Variants in ZNF385D observed in about 807,000 individuals in gnomAD.
ZNF385D encodes the protein zinc finger protein 385D.
A neutral mutation model predicts 35.8 loss-of-function variants in ZNF385D; 15 were observed. The ratio of observed to expected loss-of-function variants is 0.42; its 90% CI spans 0.28 to 0.64. The LOEUF is 0.64. Ranked by LOEUF, ZNF385D falls within the 30% of genes least tolerant of loss-of-function variation. The probability of loss-of-function intolerance (pLI) is 0.23; values close to 1 mark genes in which losing one functional copy is unlikely to be tolerated. For missense variants in ZNF385D, 474 were observed against 494.6 expected, an observed-to-expected ratio of 0.96 and a Z score of 0.39; for synonymous variants, 212 against 186.8, an observed-to-expected ratio of 1.13 and a Z score of -1.10.
chr3:21,547,952 G>C (rs7653836), intron 3 of ZNF385D, among the ~76,000 whole-genome samples: 10,951 of 152,068 alleles, frequency 0.072, 1,323 homozygotes, highest in African/African-American at 0.25. Context: ...AGCCAGGTGG[G>C]AGGGGGTCCC....
chr3:21,950,671 T>G (rs1191685459), intron 3 of ZNF385D, among the ~76,000 whole-genome samples: 1 of 151,870 alleles, frequency 6.6e-6, no homozygotes, highest in Non-Finnish European at 1.5e-5. Flanking sequence ...AGGGTTTTTA[T>G]GGTTTTAGGT....
At chr3:21,685,613 G>A (rs192963238) in intron 1 of ZNF385D, among the ~76,000 whole-genome samples, 1 of 152,286 alleles carries the variant, frequency 6.6e-6, no homozygotes, top group Admixed American at 6.5e-5. Context: ...TTCACCTGAT[G>A]GATGTTGAAA....
intron 2 of ZNF385D, among the ~76,000 whole-genome samples, chr3:21,640,100 T>A (rs1201705741): frequency 6.6e-6 from 1 of 152,110 alleles, no homozygotes; most frequent in East Asian, 1.9e-4. Flanking sequence ...TTTTCACTTA[T>A]TCTTTTCTTT....
intron 2 of ZNF385D, among the ~76,000 whole-genome samples, chr3:22,276,238 A>T (rs1379801538): frequency 1.3e-5 from 2 of 152,176 alleles, no homozygotes; most frequent in East Asian, 3.9e-4. Flanking sequence ...AAACACTAGG[A>T]TCCAGTCTTC....
At position 22,195,558 on chromosome 3, in the gene ZNF385D, C is replaced by T. The variant is rs191252361; in HGVS notation, c.107-26523G>A. ...TTCTACTAAAAGTTTTATAGTTTTA[C>T]ATTTTGAAATCTGTGGTCCAAACAT... On this transcript the variant is annotated intron_variant, in intron 2 of 5. Coordinates refer to the ZNF385D transcript ENST00000494108. Among the ~76,000 whole-genome samples, 43 of 152,082 alleles carry T rather than the reference C, an allele frequency of 2.8e-4. No homozygotes were observed. In the East Asian group the frequency reaches 7.9e-3, roughly 28 times the overall value.
At chr3:21,691,301 G>A (rs1176560613) in intron 1 of ZNF385D, among the ~76,000 whole-genome samples, 1 of 152,062 alleles carries the variant, frequency 6.6e-6, no homozygotes, top group Non-Finnish European at 1.5e-5. Flanking sequence ...AACCTTAGCT[G>A]CTTCCTCTCT....
intron 3 of ZNF385D, among the ~76,000 whole-genome samples, chr3:22,041,478 G>C (rs1213477512): frequency 6.6e-6 from 1 of 152,092 alleles, no homozygotes; most frequent in Non-Finnish European, 1.5e-5. Context: ...AATGCTTATC[G>C]ACTACAAAAT....
chr3:21,875,782 A>T (rs572282817), intron 3 of ZNF385D, among the ~76,000 whole-genome samples: 1 of 151,946 alleles, frequency 6.6e-6, no homozygotes, highest in Non-Finnish European at 1.5e-5. Context: ...CTTCATTGTG[A>T]TCATCATCAT....
At chr3:21,830,655 A>G (rs1314997437) in intron 3 of ZNF385D, among the ~76,000 whole-genome samples, 5 of 152,162 alleles carry the variant, frequency 3.3e-5, no homozygotes, top group African/African-American at 4.8e-5. Context: ...TCTTCCTCAC[A>G]GTATCTTTAT....
intron 2 of ZNF385D, among the ~76,000 whole-genome samples, chr3:22,230,765 G>T (rs1172241637): frequency 6.6e-6 from 1 of 152,192 alleles, no homozygotes; most frequent in Non-Finnish European, 1.5e-5. Context: ...TTATAGAGGA[G>T]TTTGTTAAGC....
rs569059131 is a variant in ZNF385D, at chr3:21,552,115, T to G, written c.276+12459A>C. 3.2e-4 allele frequency among the ~76,000 whole-genome samples: 48 copies of G among 152,278 alleles called. No homozygotes were observed. The South Asian group carries it at 8.3e-3, about 26-fold the overall frequency. Reference sequence around the variant, plus strand: ...TTACAATGTTATTTTTCTAGAAAGATTCTAGGTTTAAAAATGGAAACAGAA... The same window carrying G: ...TTACAATGTTATTTTTCTAGAAAGAGTCTAGGTTTAAAAATGGAAACAGAA... On this transcript the variant is annotated intron_variant, in intron 3 of 7. Transcript: ENST00000281523.
At chr3:21,492,445 A>G (rs1315626319) in intron 4 of ZNF385D, among the ~76,000 whole-genome samples, 3 of 151,836 alleles carry the variant, frequency 2.0e-5, no homozygotes, top group South Asian at 2.1e-4. Context: ...AACTTTGTCA[A>G]TATACTCCCA....
chr3:21,932,661 C>A (rs186272533), intron 3 of ZNF385D, among the ~76,000 whole-genome samples: 7 of 151,862 alleles, frequency 4.6e-5, no homozygotes, highest in African/African-American at 1.2e-4. Context: ...GTTAAAAAAA[C>A]CCCACATGCT....
At position 21,420,102 on chromosome 3, in the gene ZNF385D, G is replaced by C. The variant is rs1267855047; in HGVS notation, c.*1112C>G. The C allele has an allele frequency of 1.3e-5, 2 of 151,790 alleles. No individual in the cohort carries two copies. Among genetic ancestry groups the C allele is most frequent in the African/African-American group, 2.4e-5 (1 of 41,330 alleles). The allele number at this position is 151,790 out of a possible 1,614,324, so 9.4% of individuals were successfully genotyped here. ...ATTAATTGTTTATATCATGTCAGCA[G>C]GTAATCTAAAAAACAAGAAAAACCC... On this transcript the variant is annotated 3_prime_UTR_variant, in exon 8 of 8. Transcript: ENST00000281523.
At chr3:21,454,419 T>C (rs1702652356) in intron 4 of ZNF385D, among the ~76,000 whole-genome samples, 1 of 152,126 alleles carries the variant, frequency 6.6e-6, no homozygotes, top group Non-Finnish European at 1.5e-5. Flanking sequence ...TGTGATCTTG[T>C]CCTCTATTAT....
chr3:21,932,934 G>T (rs979584207), intron 3 of ZNF385D, among the ~76,000 whole-genome samples: 1 of 152,076 alleles, frequency 6.6e-6, no homozygotes, highest in South Asian at 2.1e-4. Flanking sequence ...ACTGAAATTG[G>T]CTACTGGGAT....
At chr3:21,475,013 A>T (rs1388129460) in intron 4 of ZNF385D, among the ~76,000 whole-genome samples, 1 of 152,066 alleles carries the variant, frequency 6.6e-6, no homozygotes, top group Non-Finnish European at 1.5e-5. Flanking sequence ...CTGACATGTT[A>T]TATATTTTTT....
intron 2 of ZNF385D, among the ~76,000 whole-genome samples, chr3:22,371,627 G>T (rs1382525067): frequency 6.6e-6 from 1 of 152,176 alleles, no homozygotes; most frequent in Non-Finnish European, 1.5e-5. Flanking sequence ...GGCTGCAGGT[G>T]TCCTCTGACC....
At chr3:21,853,770 T>C (rs554824256) in intron 3 of ZNF385D, among the ~76,000 whole-genome samples, 7 of 151,998 alleles carry the variant, frequency 4.6e-5, no homozygotes, top group African/African-American at 1.7e-4. Flanking sequence ...AATTTCTTCA[T>C]GGATTACAGT....
Sources: gnomAD v4.1 joint callset for allele counts (sites outside exome capture counted in the v4.1 genomes callset) on GRCh38, gnomAD v4.1.1 for gene constraint, MANE v1.5 for transcripts, NCBI Gene and HGNC (gene_info 2026-07-23, HGNC 2026-07-21) for gene names.